Variants in CCSER1 observed in about 807,000 individuals in gnomAD.
The protein encoded by CCSER1 is serine-rich coiled-coil domain-containing protein 1.
Under a neutral mutation model 82.0 loss-of-function variants are expected in CCSER1, and 41 were observed. That is an observed-to-expected ratio of 0.50 (90% CI 0.39 to 0.65). The LOEUF (loss-of-function observed/expected upper bound fraction) is 0.65. CCSER1 is among the 30% of genes least tolerant of loss of function. The pLI, the probability that CCSER1 is intolerant of heterozygous loss-of-function variation, is 0.00. For synonymous variants in CCSER1, 414 were observed against 383.9 expected (o/e 1.08, Z -0.92); for missense variants, 1,119 against 1,064.2 (o/e 1.05, Z -0.72).
At chr4:91,150,417 A>G (rs996005519) in intron 10 of CCSER1, among the ~76,000 whole-genome samples, 3 of 152,320 alleles carry the variant, frequency 2.0e-5, no homozygotes, top group Non-Finnish European at 4.4e-5. Flanking sequence ...CAATCATGTC[A>G]TCTGCAAACA....
At chr4:91,439,053 C>T (rs1458433774) in intron 10 of CCSER1, among the ~76,000 whole-genome samples, 2 of 152,226 alleles carry the variant, frequency 1.3e-5, no homozygotes, top group Non-Finnish European at 2.9e-5. Context: ...TTGGAAAACA[C>T]TCTGCAGGAT....
chr4:90,371,273 T>C (rs994104), intron 3 of CCSER1, among the ~76,000 whole-genome samples: 1 of 151,952 alleles, frequency 6.6e-6, no homozygotes, highest in Non-Finnish European at 1.5e-5. Flanking sequence ...GTCTTTTTTT[T>C]AAAATAACAA....
At chr4:90,560,544 A>G (rs750233097) in intron 5 of CCSER1, among the ~76,000 whole-genome samples, 3 of 152,128 alleles carry the variant, frequency 2.0e-5, no homozygotes, top group Non-Finnish European at 4.4e-5. Flanking sequence ...TTTACTACCC[A>G]TTATAAAGAC....
chr4:91,522,766 A>G (rs1389548103), intron 10 of CCSER1, among the ~76,000 whole-genome samples: 1 of 152,050 alleles, frequency 6.6e-6, no homozygotes, highest in Admixed American at 6.6e-5. Context: ...GCTTAAGGAG[A>G]TTTTGGGCTG....
intron 10 of CCSER1, 127 bp from the exon 11 acceptor site, chr4:91,598,444 GA>G (rs1196286083): frequency 5.2e-6 from 5 of 960,908 alleles, no homozygotes; most frequent in Non-Finnish European, 7.5e-6. Flanking sequence ...TAATTGTATT[GA>G]TAATTTTATA....
intron 7 of CCSER1, among the ~76,000 whole-genome samples, chr4:90,814,687 G>A (rs1758770383): frequency 6.6e-6 from 1 of 152,156 alleles, no homozygotes; most frequent in South Asian, 2.1e-4. Flanking sequence ...AAGTTTCACA[G>A]ATCTGTAGGG....
At chr4:90,474,897 A>G (rs965452259) in intron 5 of CCSER1, among the ~76,000 whole-genome samples, 1 of 152,158 alleles carries the variant, frequency 6.6e-6, no homozygotes, top group Non-Finnish European at 1.5e-5. Context: ...ATGAGAAATT[A>G]TCTTTATTAC....
At chr4:90,466,571 A>T (rs368885865) in intron 4 of CCSER1, among the ~76,000 whole-genome samples, 1 of 152,228 alleles carries the variant, frequency 6.6e-6, no homozygotes. Context: ...AGTTGAGCCC[A>T]TCTGGACTTC....
At chr4:91,110,468 A>T (rs1466506719) in intron 10 of CCSER1, among the ~76,000 whole-genome samples, 1 of 152,070 alleles carries the variant, frequency 6.6e-6, no homozygotes. Context: ...GACAGTAGAC[A>T]TTCTACTCAC....
At chr4:91,056,678 C>A (rs550780221) in intron 9 of CCSER1, among the ~76,000 whole-genome samples, 6 of 152,090 alleles carry the variant, frequency 3.9e-5, no homozygotes, top group Admixed American at 2.0e-4. Flanking sequence ...GAAAACTGTG[C>A]GTCTAAATCC....
chr4:91,369,722 G>A (rs2149322323), intron 10 of CCSER1, among the ~76,000 whole-genome samples: 1 of 138,436 alleles, frequency 7.2e-6, no homozygotes, highest in East Asian at 2.2e-4. Context: ...AGGCTGGAGT[G>A]CAGTGGCACG....
At chr4:91,327,083 G>A (rs4524348) in intron 10 of CCSER1, among the ~76,000 whole-genome samples, 116,012 of 151,536 alleles carry the variant, frequency 0.77, 44,868 homozygotes, top group East Asian at 0.88. Context: ...TCGTTCTGGG[G>A]TCTAGAATAT....
intron 10 of CCSER1, among the ~76,000 whole-genome samples, chr4:91,392,363 G>GCACACATGCACACACACA (rs1553932163): frequency 6.8e-6 from 1 of 148,118 alleles, no homozygotes; most frequent in Non-Finnish European, 1.5e-5. Context: ...ACCTACACAT[G>GCACACATGCACACACACA]CACACACACA....
intron 10 of CCSER1, among the ~76,000 whole-genome samples, chr4:91,547,916 G>A (rs1375587974): frequency 2.0e-5 from 3 of 151,920 alleles, no homozygotes; most frequent in Non-Finnish European, 4.4e-5. Flanking sequence ...CACGTAGCTG[G>A]GATTACAGGC....
chr4:90,802,347 G>A (rs1211708079), intron 7 of CCSER1, among the ~76,000 whole-genome samples: 1 of 149,084 alleles, frequency 6.7e-6, no homozygotes, highest in African/African-American at 2.4e-5. Flanking sequence ...AGTAAATGTA[G>A]TTGTATAATC....
intron 10 of CCSER1, among the ~76,000 whole-genome samples, chr4:91,514,919 T>TTAA (rs1760022723): frequency 6.6e-6 from 1 of 152,164 alleles, no homozygotes; most frequent in South Asian, 2.1e-4. Context: ...GGTTTTCAAC[T>TTAA]TAATAGTTGG....
intron 3 of CCSER1, among the ~76,000 whole-genome samples, chr4:90,387,936 G>C (rs372788976): frequency 1.3e-5 from 2 of 152,146 alleles, no homozygotes; most frequent in East Asian, 3.9e-4. Flanking sequence ...TTAGAGGGTG[G>C]TTTTGTGAAT....
At chr4:91,370,842 C>A (rs1749988792) in intron 10 of CCSER1, among the ~76,000 whole-genome samples, 1 of 151,960 alleles carries the variant, frequency 6.6e-6, no homozygotes, top group Admixed American at 6.6e-5. Context: ...ATTATCATTT[C>A]TTTGTGTTAC....
chr4:91,238,900 C>T (rs1261225131), intron 10 of CCSER1, among the ~76,000 whole-genome samples: 9 of 151,934 alleles, frequency 5.9e-5, no homozygotes, highest in African/African-American at 1.7e-4. Flanking sequence ...CTCAGCTCAC[C>T]GCAACCTCTG....
Sources: allele counts gnomAD v4.1 joint callset (sites outside exome capture counted in the v4.1 genomes callset), GRCh38; gene constraint gnomAD v4.1.1; transcripts MANE v1.5; gene names NCBI Gene and HGNC (gene_info 2026-07-23, HGNC 2026-07-21).